The following ERBB4 variants were observed in gnomAD, a reference collection of about 807,000 sequenced individuals.
The protein encoded by ERBB4 is receptor tyrosine-protein kinase erbB-4.
In ERBB4, 42 loss-of-function variants were observed where a neutral mutation model predicts 158.0. The observed-to-expected ratio is 0.27, with a 90% CI of 0.21 to 0.34. The LOEUF (loss-of-function observed/expected upper bound fraction) is 0.34, where lower values mean the gene tolerates loss of function less well. Among genes scored for constraint, ERBB4 ranks in the 10% least tolerant of loss-of-function variants. The probability of loss-of-function intolerance (pLI) is 1.00; values close to 1 mark genes in which losing one functional copy is unlikely to be tolerated. For missense variants in ERBB4, 1,333 were observed against 1,624.1 expected, an observed-to-expected ratio of 0.82 and a Z score of 3.08; for synonymous variants, 583 against 558.7, an observed-to-expected ratio of 1.04 and a Z score of -0.61.
At chr2:212,414,778 C>T (rs149506403) in intron 1 of ERBB4, among the ~76,000 whole-genome samples, 3 of 152,280 alleles carry the variant, frequency 2.0e-5, no homozygotes, top group Non-Finnish European at 4.4e-5. Flanking sequence ...CTGGAACCCA[C>T]AGAAAGAAGC....
intron 3 of ERBB4, among the ~76,000 whole-genome samples, chr2:211,898,158 AAAGAT>A (rs1224654546): frequency 2.0e-5 from 3 of 152,076 alleles, no homozygotes; most frequent in Non-Finnish European, 4.4e-5. Context: ...AAAGCCTAAA[AAAGAT>A]ATTATAATAT....
chr2:211,838,315 G>C (rs756601035), intron 3 of ERBB4, among the ~76,000 whole-genome samples: 2 of 151,984 alleles, frequency 1.3e-5, no homozygotes, highest in Non-Finnish European at 2.9e-5. Context: ...CCAATAATCA[G>C]TACCAGCCAT....
At chr2:212,497,151 C>G (rs1386920507) in intron 1 of ERBB4, among the ~76,000 whole-genome samples, 2 of 145,506 alleles carry the variant, frequency 1.4e-5, no homozygotes, top group Non-Finnish European at 3.0e-5. Flanking sequence ...GCACTCCAGC[C>G]TGGGTGACAA....
At chr2:211,773,337 G>T (rs1310994596) in intron 4 of ERBB4, among the ~76,000 whole-genome samples, 1 of 151,270 alleles carries the variant, frequency 6.6e-6, no homozygotes, top group African/African-American at 2.4e-5. Context: ...ATGTATGTGT[G>T]TATGTATAAA....
chr2:211,513,161 A>G (rs111368252), intron 20 of ERBB4, among the ~76,000 whole-genome samples: 3,022 of 152,008 alleles, frequency 0.02, 45 homozygotes, highest in Middle Eastern at 0.065. Flanking sequence ...GGAAAAAGAG[A>G]ACTGTCAACC....
chr2:212,375,611 T>C (rs545447347), intron 1 of ERBB4, among the ~76,000 whole-genome samples: 52 of 152,212 alleles, frequency 3.4e-4, no homozygotes, highest in African/African-American at 1.2e-3. Flanking sequence ...CTATATTTTT[T>C]CTTATAAGGG....
At chr2:211,777,374 C>T (rs1216718277) in intron 4 of ERBB4, 2 of 152,178 alleles carry the variant, frequency 1.3e-5, no homozygotes, top group Non-Finnish European at 2.9e-5. Flanking sequence ...TCCTCAATCA[C>T]TCACATAGGT....
chr2:211,474,254 T>C (rs2064900070), intron 20 of ERBB4, among the ~76,000 whole-genome samples: 1 of 151,990 alleles, frequency 6.6e-6, no homozygotes, highest in African/African-American at 2.4e-5. Context: ...ATATTCATAC[T>C]AAAGATTAAA....
intron 16 of ERBB4, among the ~76,000 whole-genome samples, chr2:211,637,103 A>G (rs2070391082): frequency 6.6e-6 from 1 of 151,988 alleles, no homozygotes; most frequent in African/African-American, 2.4e-5. Flanking sequence ...ATTAGGTAAC[A>G]TTGGCCATCA....
intron 2 of ERBB4, among the ~76,000 whole-genome samples, chr2:211,977,622 A>G (rs1369827481): frequency 6.7e-6 from 1 of 148,696 alleles, no homozygotes; most frequent in Non-Finnish European, 1.5e-5. Context: ...GAGTCACCTG[A>G]GGTCAGTAGC....
At chr2:211,482,545 G>A (rs778945694) in intron 20 of ERBB4, among the ~76,000 whole-genome samples, 3 of 152,058 alleles carry the variant, frequency 2.0e-5, no homozygotes, top group South Asian at 2.1e-4. Flanking sequence ...TCATAGTAAG[G>A]TATCTTATCA....
intron 1 of ERBB4, among the ~76,000 whole-genome samples, chr2:212,225,326 A>G (rs2083436411): frequency 6.6e-6 from 1 of 152,092 alleles, no homozygotes; most frequent in African/African-American, 2.4e-5. Flanking sequence ...TAAATATATG[A>G]TAAGGAAAAA....
chr2:212,340,651 A>C (rs4673662), intron 1 of ERBB4, among the ~76,000 whole-genome samples: 1 of 151,908 alleles, frequency 6.6e-6, no homozygotes, highest in South Asian at 2.1e-4. Flanking sequence ...CAGTCTCACT[A>C]TGTTGTCCAG....
intron 1 of ERBB4, among the ~76,000 whole-genome samples, chr2:212,460,105 G>C (rs1688496906): frequency 6.6e-6 from 1 of 152,146 alleles, no homozygotes; most frequent in Non-Finnish European, 1.5e-5. Flanking sequence ...CTCCTTGCCT[G>C]CTGCCATCCA....
At chr2:212,070,253 GT>G (rs1264398146) in intron 2 of ERBB4, among the ~76,000 whole-genome samples, 1 of 151,936 alleles carries the variant, frequency 6.6e-6, no homozygotes, top group Non-Finnish European at 1.5e-5. Flanking sequence ...AAAGGCATAT[GT>G]TTTTTAAAGT....
chr2:212,279,900 A>C (rs1019441829), intron 1 of ERBB4, among the ~76,000 whole-genome samples: 1 of 151,656 alleles, frequency 6.6e-6, no homozygotes, highest in African/African-American at 2.4e-5. Context: ...AAAATGTTTA[A>C]GTGTGAAAGA....
At chr2:211,881,268 G>C (rs749498307) in intron 3 of ERBB4, among the ~76,000 whole-genome samples, 10 of 152,136 alleles carry the variant, frequency 6.6e-5, no homozygotes, top group Admixed American at 3.9e-4. Flanking sequence ...TGATACAGGC[G>C]GTAGAAATAA....
chr2:211,790,313 T>A (rs535272784), intron 3 of ERBB4, among the ~76,000 whole-genome samples: 1 of 152,122 alleles, frequency 6.6e-6, no homozygotes, highest in South Asian at 2.1e-4. Context: ...TTAGAAAAGT[T>A]CTACTTAAAA....
intron 1 of ERBB4, among the ~76,000 whole-genome samples, chr2:212,468,038 T>G (rs1017333613): frequency 6.6e-6 from 1 of 152,154 alleles, no homozygotes; most frequent in Admixed American, 6.5e-5. Context: ...CTGTAGCCCC[T>G]TTGTTTTGGC....
Sources: allele counts gnomAD v4.1 joint callset (sites outside exome capture counted in the v4.1 genomes callset), GRCh38; gene constraint gnomAD v4.1.1; transcripts MANE v1.5; gene names NCBI Gene and HGNC (gene_info 2026-07-23, HGNC 2026-07-21).